SNED1: variants seen among roughly 807,000 people sequenced by gnomAD.
SNED1 encodes sushi, nidogen and EGF like domains 1, also known as sushi, nidogen and EGF-like domain-containing protein 1.
A neutral mutation model predicts 166.7 loss-of-function variants in SNED1; 81 were observed. The observed-to-expected ratio is 0.49, with a 90% CI of 0.41 to 0.58. The LOEUF is 0.58. SNED1 is among the 20% of genes least tolerant of loss of function. The pLI is 0.00. For synonymous variants in SNED1, 762 were observed against 822.0 expected (o/e 0.93, Z 1.25); for missense variants, 1,604 against 2,000.2 (o/e 0.80, Z 3.78).
intron 18 of SNED1, 108 bp downstream of exon 18, chr2:241,063,808 A>T (rs2062321813): frequency 1.3e-6 from 1 of 776,974 alleles, no homozygotes; most frequent in Admixed American, 2.8e-5. Context: ...ACCTGGGGAG[A>T]GGGACCCCCA....
intron 24 of SNED1, chr2:241,071,267 G>A: frequency 2.2e-6 from 1 of 462,018 alleles, no homozygotes; most frequent in Non-Finnish European, 4.0e-6. Context: ...CGAGTGCCCA[G>A]CCCCTTGAGA....
chr2:241,090,954 C>T lies in SNED1; in HGVS notation c.*2-684C>T, dbSNP rs115872123. Among the ~76,000 whole-genome samples, 1,133 of 152,058 alleles carry T rather than the reference C, an allele frequency of 7.5e-3. 18 individuals carry two copies. Among genetic ancestry groups the T allele is most frequent in the African/African-American group, 0.026 (1,069 of 41,460 alleles). ...AATCTCATGGGACCACTGTCATGCGCGCGGTCCTTCATCGTGCAGTGCCTA... is the reference window on the plus strand; with the variant it reads ...AATCTCATGGGACCACTGTCATGCGTGCGGTCCTTCATCGTGCAGTGCCTA... On this transcript the variant is annotated intron_variant, in intron 31 of 31. Coordinates refer to ENST00000310397, the MANE Select transcript of SNED1 (RefSeq NM_001080437.3).
chr2:241,059,547 T>A (rs954488790), intron 16 of SNED1, among the ~76,000 whole-genome samples: 2 of 152,186 alleles, frequency 1.3e-5, no homozygotes, highest in Non-Finnish European at 2.9e-5. Flanking sequence ...AAAATATTAC[T>A]AAGTCAAGCT....
chr2:241,048,906 G>C, intron 10 of SNED1, 116 bp from the exon 11 acceptor site: 6 of 1,192,696 alleles, frequency 5.0e-6, no homozygotes, highest in Non-Finnish European at 7.2e-6. Context: ...CTGGCCACAA[G>C]AGTGCCTGAA....
intron 16 of SNED1, among the ~76,000 whole-genome samples, chr2:241,061,566 GAATATACACA>G (rs1224626185): frequency 6.6e-6 from 1 of 152,176 alleles, no homozygotes; most frequent in Admixed American, 6.5e-5. Flanking sequence ...AGATGGGAAA[GAATATACACA>G]GCAACATTTT....
chr2:241,065,643 A>G (rs2062412010), intron 21 of SNED1, 48 bp downstream of exon 21: 1 of 1,543,676 alleles, frequency 6.5e-7, no homozygotes, highest in Non-Finnish European at 8.9e-7. Context: ...CTGCCCCTCG[A>G]GGGCAGCGCT....
chr2:241,046,158 G>C (rs1416697137), intron 8 of SNED1, among the ~76,000 whole-genome samples: 1 of 152,126 alleles, frequency 6.6e-6, no homozygotes, highest in Non-Finnish European at 1.5e-5. Context: ...AAATAATACT[G>C]ACCTGGTGTA....
At chr2:241,005,707 GA>G (rs2060203927) in intron 1 of SNED1, among the ~76,000 whole-genome samples, 1 of 152,080 alleles carries the variant, frequency 6.6e-6, no homozygotes, top group Non-Finnish European at 1.5e-5. Context: ...TAAATTTTTT[GA>G]AGATGCTGCT....
chr2:241,003,116 G>A (rs1393907982), intron 1 of SNED1, among the ~76,000 whole-genome samples: 12 of 41,602 alleles, frequency 2.9e-4, no homozygotes, highest in African/African-American at 4.9e-4. Flanking sequence ...GCCCCCCTCC[G>A]CCCTCCCCCG....
intron 1 of SNED1, among the ~76,000 whole-genome samples, chr2:241,000,651 CA>C (rs2060051241): frequency 6.6e-6 from 1 of 152,212 alleles, no homozygotes; most frequent in South Asian, 2.1e-4. Flanking sequence ...TCACCAAAAA[CA>C]TCTGCCCTTG....
At chr2:241,087,722 A>G (rs1575141742) in intron 30 of SNED1, 1 of 1,344,440 alleles carries the variant, frequency 7.4e-7, no homozygotes, top group Non-Finnish European at 9.5e-7. Context: ...CTGGTTATGC[A>G]TATTCACACA....
intron 8 of SNED1, among the ~76,000 whole-genome samples, chr2:241,047,002 G>T (rs1442290889): frequency 1.3e-5 from 2 of 151,924 alleles, no homozygotes; most frequent in Non-Finnish European, 2.9e-5. Context: ...AATTAGCTGG[G>T]TGTGGTAGCA....
At chr2:241,008,016 G>A (rs2060272552) in intron 1 of SNED1, among the ~76,000 whole-genome samples, 1 of 152,252 alleles carries the variant, frequency 6.6e-6, no homozygotes. Flanking sequence ...CTGCCCAGAA[G>A]GGCATTCGCA....
intron 4 of SNED1, among the ~76,000 whole-genome samples, chr2:241,036,055 C>CA (rs2061355096): frequency 2.7e-5 from 1 of 36,728 alleles, no homozygotes; most frequent in East Asian, 1.0e-3. Context: ...GGTGGAGGTG[C>CA]GTCACAGGGT....
intron 27 of SNED1, among the ~76,000 whole-genome samples, chr2:241,076,398 T>C (rs2063021880): frequency 6.6e-6 from 1 of 152,238 alleles, no homozygotes; most frequent in East Asian, 1.9e-4. Flanking sequence ...GATACTAGTA[T>C]ATACTTTAAA....
At chr2:241,030,959 C>T (rs1347168637) in intron 2 of SNED1, among the ~76,000 whole-genome samples, 1 of 152,154 alleles carries the variant, frequency 6.6e-6, no homozygotes, top group Non-Finnish European at 1.5e-5. Context: ...AGCCACTTTG[C>T]AGGCTTGATG....
intron 1 of SNED1, among the ~76,000 whole-genome samples, chr2:241,001,578 G>A (rs2060079142): frequency 6.6e-6 from 1 of 152,248 alleles, no homozygotes; most frequent in South Asian, 2.1e-4. Flanking sequence ...GGCGTGCTGA[G>A]GAGTGTGGCA....
chr2:241,027,672 C>T (rs944491104), intron 1 of SNED1, among the ~76,000 whole-genome samples: 7 of 151,626 alleles, frequency 4.6e-5, no homozygotes, highest in Non-Finnish European at 7.4e-5. Context: ...TCCATTCTCA[C>T]GAACAGTGCA....
At chr2:240,998,248 G>A (rs915074263), upstream of SNED1, among the ~76,000 whole-genome samples, 2 of 152,274 alleles carry the variant, frequency 1.3e-5, no homozygotes, top group Non-Finnish European at 2.9e-5. Context: ...GGCTGGGAAG[G>A]GGGCAGCACG....
Sources: gnomAD v4.1 joint callset for allele counts (sites outside exome capture counted in the v4.1 genomes callset) on GRCh38, gnomAD v4.1.1 for gene constraint, MANE v1.5 for transcripts, NCBI Gene and HGNC (gene_info 2026-07-23, HGNC 2026-07-21) for gene names.